MAP4K5: variants seen among roughly 807,000 people sequenced by gnomAD.
MAP4K5 encodes mitogen-activated protein kinase kinase kinase kinase 5.
MAP4K5 carries 82 observed loss-of-function variants against 135.6 expected under a neutral mutation model. The observed-to-expected ratio is 0.60, with a 90% CI of 0.51 to 0.73. The LOEUF is 0.73. Ranked by LOEUF, MAP4K5 falls within the 30% of genes least tolerant of loss-of-function variation. The probability of loss-of-function intolerance (pLI) is 0.00; values close to 1 mark genes in which losing one functional copy is unlikely to be tolerated. For missense variants in MAP4K5, 907 were observed against 1,010.9 expected (o/e 0.90, Z 1.39); for synonymous variants, 347 against 335.0 (o/e 1.04, Z -0.39).
intron 3 of MAP4K5, among the ~76,000 whole-genome samples, chr14:50,496,239 T>C (rs572259486): frequency 6.6e-6 from 1 of 152,050 alleles, no homozygotes; most frequent in South Asian, 2.1e-4. Context: ...GGCAGGAGAA[T>C]GGCTTGATCC....
At chr14:50,541,556 T>C (rs2038560326) in intron 2 of MAP4K5, among the ~76,000 whole-genome samples, 1 of 152,198 alleles carries the variant, frequency 6.6e-6, no homozygotes, top group Non-Finnish European at 1.5e-5. Context: ...TGCCACCTTG[T>C]TCATATCACT....
intron 2 of MAP4K5, among the ~76,000 whole-genome samples, chr14:50,531,058 G>A (rs1408332566): frequency 2.0e-5 from 3 of 152,156 alleles, no homozygotes; most frequent in Non-Finnish European, 4.4e-5. Context: ...AAAAAGCAAA[G>A]GAATTTGCCC....
intron 3 of MAP4K5, among the ~76,000 whole-genome samples, chr14:50,487,238 G>A (rs1215966266): frequency 1.3e-5 from 2 of 152,162 alleles, no homozygotes; most frequent in Non-Finnish European, 2.9e-5. Context: ...AACCTGGGAG[G>A]CGGAGGTCGC....
intron 5 of MAP4K5, among the ~76,000 whole-genome samples, chr14:50,484,710 T>C (rs903446993): frequency 5.9e-5 from 9 of 152,146 alleles, no homozygotes. Flanking sequence ...TAACCACTGC[T>C]CTATTGATTG....
intron 6 of MAP4K5, among the ~76,000 whole-genome samples, chr14:50,481,488 A>C (rs2037242586): frequency 6.6e-6 from 1 of 152,080 alleles, no homozygotes; most frequent in Non-Finnish European, 1.5e-5. Flanking sequence ...ATTTCTTTCT[A>C]AATTGAAACT....
At chr14:50,518,363 C>G (rs1051855013) in intron 2 of MAP4K5, among the ~76,000 whole-genome samples, 1 of 152,076 alleles carries the variant, frequency 6.6e-6, no homozygotes, top group Non-Finnish European at 1.5e-5. Flanking sequence ...TTTGCTGCAC[C>G]TATCGACCTG....
chr14:50,497,468 A>G (rs1207036380), intron 3 of MAP4K5, among the ~76,000 whole-genome samples: 2 of 152,230 alleles, frequency 1.3e-5, no homozygotes, highest in South Asian at 2.1e-4. Context: ...TTTTGAATAG[A>G]AAGTCTGAAA....
At chr14:50,478,292 CT>C (rs1202372055) in intron 6 of MAP4K5, among the ~76,000 whole-genome samples, 1 of 151,710 alleles carries the variant, frequency 6.6e-6, no homozygotes, top group African/African-American at 2.4e-5. Flanking sequence ...TCTCTTTTTA[CT>C]TTTTTTCCTG....
chr14:50,488,103 G>T (rs576427701), intron 3 of MAP4K5, among the ~76,000 whole-genome samples: 1 of 152,056 alleles, frequency 6.6e-6, no homozygotes, highest in Non-Finnish European at 1.5e-5. Flanking sequence ...TTACACCTCC[G>T]CATGGCTTGG....
At chr14:50,435,893 A>G (rs1021539266) in intron 26 of MAP4K5, among the ~76,000 whole-genome samples, 3 of 152,182 alleles carry the variant, frequency 2.0e-5, no homozygotes, top group Non-Finnish European at 2.9e-5. Context: ...ATTAAACTCT[A>G]AAGTATTATT....
chr14:50,429,135 TA>T, intron 29 of MAP4K5, 56 bp downstream of exon 29: 4 of 931,836 alleles, frequency 4.3e-6, no homozygotes, highest in Non-Finnish European at 4.8e-6. Context: ...TTTAACAGAA[TA>T]AAAAAATTGC....
At position 50,532,030 on chromosome 14, in the gene MAP4K5, G is replaced by A. The variant is rs768983723; in HGVS notation, c.20C>T (p.Pro7Leu). Residue 7 changes from proline (P) to leucine (L), a missense_variant, in exon 2 of 33, where the codon CCT becomes CTT. Pro to Leu is a moderately conservative substitution (Grantham distance 98). Around this residue, in one of 3 missense-constraint regions of MAP4K5, gnomAD observed 196 missense variants for 189.3 expected, o/e 1.04. Coordinates refer to ENST00000682126, the MANE Select transcript of MAP4K5 (RefSeq NM_006575.6). MEAPLR[P>L]AADILRRNPQ... Reference sequence around the variant, plus strand: ...GTTCCGCCTCAGGATGTCCGCGGCAGGCCGCAGCGGGGCCTCCATCTTCAC... The same window carrying A: ...GTTCCGCCTCAGGATGTCCGCGGCAAGCCGCAGCGGGGCCTCCATCTTCAC... 8 of 1,575,492 alleles carry A rather than the reference G, an allele frequency of 5.1e-6. No homozygotes were observed. The Admixed American group carries it at 1.4e-4, about 28-fold the overall frequency.
At chr14:50,443,846 G>A in intron 19 of MAP4K5, 76 bp from the exon 20 acceptor site, 1 of 1,489,224 alleles carries the variant, frequency 6.7e-7, no homozygotes, top group Non-Finnish European at 9.2e-7. Context: ...TAGAACTTCT[G>A]TTACTTGAAT....
At chr14:50,469,622 G>A (rs1159566977) in intron 9 of MAP4K5, among the ~76,000 whole-genome samples, 1 of 152,142 alleles carries the variant, frequency 6.6e-6, no homozygotes, top group African/African-American at 2.4e-5. Flanking sequence ...CGTAGCAGAG[G>A]GAACAGAATG....
At chr14:50,470,318 T>G (rs925040905) in intron 9 of MAP4K5, among the ~76,000 whole-genome samples, 1 of 152,056 alleles carries the variant, frequency 6.6e-6, no homozygotes, top group African/African-American at 2.4e-5. Flanking sequence ...AAGGGTATCT[T>G]AGGGAAGAGT....
At chr14:50,557,674 C>T (rs1380797030) in intron 1 of MAP4K5, among the ~76,000 whole-genome samples, 2 of 152,060 alleles carry the variant, frequency 1.3e-5, no homozygotes, top group Admixed American at 6.6e-5. Context: ...TATTTTCATA[C>T]TATTGAGGTA....
intron 3 of MAP4K5, among the ~76,000 whole-genome samples, chr14:50,490,827 A>T (rs1191848993): frequency 7.2e-5 from 11 of 152,230 alleles, no homozygotes; most frequent in African/African-American, 2.7e-4. Flanking sequence ...GCATCAAAAT[A>T]GGATCAAGTT....
At chr14:50,538,617 C>G (rs2038522987) in intron 2 of MAP4K5, among the ~76,000 whole-genome samples, 1 of 152,198 alleles carries the variant, frequency 6.6e-6, no homozygotes, top group Admixed American at 6.5e-5. Flanking sequence ...CTCATGTAGA[C>G]TAGTGTTATG....
chr14:50,461,339 T>C (rs1181948060), intron 13 of MAP4K5, among the ~76,000 whole-genome samples: 1 of 152,064 alleles, frequency 6.6e-6, no homozygotes, highest in East Asian at 1.9e-4. Context: ...CACAGTATGA[T>C]ATTTATAGGA....
Sources: gnomAD v4.1 joint callset for allele counts (sites outside exome capture counted in the v4.1 genomes callset) on GRCh38, gnomAD v4.1.1 for gene constraint, gnomAD v4.1.1 regional missense constraint, MANE v1.5 for transcripts, NCBI Gene and HGNC (gene_info 2026-07-23, HGNC 2026-07-21) for gene names.